HHAT: variants seen among roughly 807,000 people sequenced by gnomAD.
HHAT encodes the protein protein-cysteine N-palmitoyltransferase HHAT.
A neutral mutation model predicts 70.8 loss-of-function variants in HHAT; 47 were observed. The ratio of observed to expected loss-of-function variants is 0.66; its 90% CI spans 0.53 to 0.85. The LOEUF (loss-of-function observed/expected upper bound fraction) is 0.85, where lower values mean the gene tolerates loss of function less well. Among genes scored for constraint, HHAT ranks in the 40% least tolerant of loss-of-function variants. HHAT has a pLI of 0.00. For synonymous variants in HHAT, 228 were observed against 247.6 expected (o/e 0.92, Z 0.74); for missense variants, 609 against 604.8 (o/e 1.01, Z -0.07).
chr1:210,410,336 G>T (rs938967284), intron 6 of HHAT, among the ~76,000 whole-genome samples: 16 of 150,068 alleles, frequency 1.1e-4, no homozygotes, highest in Non-Finnish European at 1.2e-4. Flanking sequence ...GATTGCAGGC[G>T]TGAGCCACCA....
intron 9 of HHAT, among the ~76,000 whole-genome samples, chr1:210,542,354 T>A (rs894466553): frequency 6.6e-6 from 1 of 152,182 alleles, no homozygotes; most frequent in South Asian, 2.1e-4. Flanking sequence ...CCCTCTGGTG[T>A]ATTTCAAAAC....
chr1:210,467,063 G>T (rs908276776), intron 8 of HHAT, among the ~76,000 whole-genome samples: 1 of 152,130 alleles, frequency 6.6e-6, no homozygotes, highest in Non-Finnish European at 1.5e-5. Flanking sequence ...GCCTTTCCTG[G>T]GAGTGACCTA....
At position 210,362,565 on chromosome 1, in the gene HHAT, A is replaced by G. The variant is rs550434944; in HGVS notation, c.92-287A>G. Among the ~76,000 whole-genome samples the G allele has an allele frequency of 1.2e-4, 19 of 152,310 alleles. No individual in the cohort carries two copies. The South Asian group carries it at 3.3e-3, about 27-fold the overall frequency. ...CGTGTGCACATGGGCCATTTGCAGTAACCCTTCCCATGTTTTCCTGTGTTG... is the reference window on the plus strand; with the variant it reads ...CGTGTGCACATGGGCCATTTGCAGTGACCCTTCCCATGTTTTCCTGTGTTG... On this transcript the variant is annotated intron_variant, in intron 2 of 11. Coordinates refer to ENST00000261458, the MANE Select transcript of HHAT (RefSeq NM_018194.6).
chr1:210,329,334 G>T (rs1032367353), intron 1 of HHAT: 1 of 1,210,866 alleles, frequency 8.3e-7, no homozygotes, highest in African/African-American at 1.6e-5. Flanking sequence ...TCTAGGCGCC[G>T]GGACAAGTCC....
intron 8 of HHAT, among the ~76,000 whole-genome samples, chr1:210,472,729 GGT>G (rs1239784608): frequency 5.3e-5 from 8 of 152,158 alleles, no homozygotes; most frequent in Non-Finnish European, 1.2e-4. Flanking sequence ...GTGTTCATTA[GGT>G]TATAGCTTGG....
intron 9 of HHAT, among the ~76,000 whole-genome samples, chr1:210,581,395 G>A (rs1319644129): frequency 6.6e-6 from 1 of 152,190 alleles, no homozygotes; most frequent in African/African-American, 2.4e-5. Flanking sequence ...TTGGGTCAGG[G>A]GAGCTACTGC....
At chr1:210,539,638 G>C (rs573585117) in intron 9 of HHAT, among the ~76,000 whole-genome samples, 92 of 152,310 alleles carry the variant, frequency 6.0e-4, no homozygotes, top group Middle Eastern at 3.4e-3. Context: ...AGAGATGGGG[G>C]TGTTGTCAGC....
At chr1:210,609,486 T>A (rs1417629468) in intron 10 of HHAT, among the ~76,000 whole-genome samples, 1 of 152,180 alleles carries the variant, frequency 6.6e-6, no homozygotes, top group Non-Finnish European at 1.5e-5. Context: ...TGAGCATAGT[T>A]TTTATGGTAA....
chr1:210,673,902 C>T lies in HHAT; in HGVS notation c.1391-386C>T, dbSNP rs189015085. Among the ~76,000 whole-genome samples, 18 of 150,942 alleles carry T rather than the reference C, an allele frequency of 1.2e-4. No individual in the cohort carries two copies. In the East Asian group the frequency reaches 2.9e-3, roughly 24 times the overall value. ...CTCCCACCTCAGCCTTCCAAAGTGC[C>T]GGGATTACAGGTGCCTGGCTCTAAA... is the stretch of plus-strand genomic sequence containing the variant. On this transcript the variant is annotated intron_variant, in intron 11 of 11. Coordinates refer to ENST00000261458, the MANE Select transcript of HHAT (RefSeq NM_018194.6).
chr1:210,612,572 C>T (rs1346189851), intron 10 of HHAT, among the ~76,000 whole-genome samples: 1 of 152,082 alleles, frequency 6.6e-6, no homozygotes, highest in Non-Finnish European at 1.5e-5. Context: ...GGGTTGCTTC[C>T]ACCTTTTGCC....
chr1:210,635,549 A>G (rs1457630102), intron 11 of HHAT, among the ~76,000 whole-genome samples: 1 of 152,208 alleles, frequency 6.6e-6, no homozygotes, highest in Non-Finnish European at 1.5e-5. Context: ...GCTGTCAGCT[A>G]TGGCTGTCGC....
chr1:210,359,762 G>A (rs2088053359), intron 2 of HHAT, among the ~76,000 whole-genome samples: 1 of 152,068 alleles, frequency 6.6e-6, no homozygotes, highest in Admixed American at 6.6e-5. Context: ...AGCCACTTGA[G>A]AGTCTGAGGC....
intron 10 of HHAT, among the ~76,000 whole-genome samples, chr1:210,619,462 C>T (rs1668413277): frequency 6.6e-6 from 1 of 152,082 alleles, no homozygotes; most frequent in Admixed American, 6.5e-5. Context: ...CATTCCCTGC[C>T]CTGGGATGCA....
In HHAT at chr1:210,562,045, T is replaced by A. The variant is rs191565509; in HGVS notation, c.1044-25853T>A. The stretch of plus-strand genomic sequence containing the variant: ...ACAAATACAATGTAAACTTACACCC[T>A]GTTGTATCAACCACTACAGAGCACT... On this transcript the variant is annotated intron_variant, in intron 9 of 11. Coordinates refer to ENST00000261458, the MANE Select transcript of HHAT (RefSeq NM_018194.6). Among the ~76,000 whole-genome samples the A allele has an allele frequency of 7.2e-5, 11 of 152,318 alleles. No homozygotes were observed. In the East Asian group the frequency reaches 1.9e-3, roughly 27 times the overall value.
chr1:210,566,512 C>T (rs1252245443), intron 9 of HHAT, among the ~76,000 whole-genome samples: 1 of 152,020 alleles, frequency 6.6e-6, no homozygotes, highest in Non-Finnish European at 1.5e-5. Context: ...CATATAAACC[C>T]CAAACCCCAG....
At chr1:210,378,738 TAACA>T (rs1225362175) in intron 3 of HHAT, among the ~76,000 whole-genome samples, 2 of 152,244 alleles carry the variant, frequency 1.3e-5, no homozygotes, top group Non-Finnish European at 2.9e-5. Flanking sequence ...GACTGTATTC[TAACA>T]AACAGTCACT....
At chr1:210,572,444 T>C (rs1023334919) in intron 9 of HHAT, among the ~76,000 whole-genome samples, 5 of 152,234 alleles carry the variant, frequency 3.3e-5, no homozygotes, top group Admixed American at 3.3e-4. Context: ...TCTCCCACTT[T>C]TATCCCTTTC....
chr1:210,467,856 C>G (rs992649947), intron 8 of HHAT, among the ~76,000 whole-genome samples: 2 of 152,102 alleles, frequency 1.3e-5, no homozygotes, highest in Non-Finnish European at 2.9e-5. Flanking sequence ...ATCTTTCAGC[C>G]TACTTAGCAT....
At chr1:210,535,876 C>T (rs1035487447) in intron 9 of HHAT, among the ~76,000 whole-genome samples, 3 of 152,182 alleles carry the variant, frequency 2.0e-5, no homozygotes, top group African/African-American at 7.2e-5. Flanking sequence ...AGCTGTGTAA[C>T]CAATAGCATG....
Sources: gnomAD v4.1 joint callset for allele counts (sites outside exome capture counted in the v4.1 genomes callset) on GRCh38, gnomAD v4.1.1 for gene constraint, MANE v1.5 for transcripts, NCBI Gene and HGNC (gene_info 2026-07-23, HGNC 2026-07-21) for gene names.